The following NEB variants were observed in gnomAD, a reference collection of about 807,000 sequenced individuals.
NEB encodes nebulin.
In NEB, 512 loss-of-function variants were observed where a neutral mutation model predicts 952.2. The ratio of observed to expected loss-of-function variants is 0.54; its 90% CI spans 0.50 to 0.58. The LOEUF (loss-of-function observed/expected upper bound fraction) is 0.58. Ranked by LOEUF, NEB falls within the 20% of genes least tolerant of loss-of-function variation. The pLI is 0.00. For synonymous variants in NEB, 2,900 were observed against 3,149.8 expected (o/e 0.92, Z 2.66); for missense variants, 8,428 against 9,231.1 (o/e 0.91, Z 3.56).
In NEB at chr2:151,725,498, A is replaced by C. The variant is rs949991363; in HGVS notation, c.357T>G (p.Thr119=). Residue 119 remains threonine (T), a synonymous_variant, in exon 6 of 182, where the codon ACT becomes ACG. Coordinates refer to ENST00000397345, the MANE Select transcript of NEB (RefSeq NM_001164508.2). ...KGQPYASTTD[T]PELRRIKKVQ... ...CTTTTTTGATTCTGCGAAGTTCTGGAGTATCTGTTGTGCTGGCGTATGGCT... is the reference window on the plus strand; with the variant it reads ...CTTTTTTGATTCTGCGAAGTTCTGGCGTATCTGTTGTGCTGGCGTATGGCT... 6.2e-7 allele frequency: 1 copy of C among 1,613,520 alleles called. No homozygotes were observed. Among genetic ancestry groups the C allele is most frequent in the African/African-American group, 1.3e-5 (1 of 74,888 alleles).
intron 164 of NEB, 38 bp from the exon 165 acceptor site, chr2:151,505,608 C>T (rs761650574): frequency 6.7e-7 from 1 of 1,487,986 alleles, no homozygotes; most frequent in Non-Finnish European, 9.4e-7. Context: ...GGTATTATTA[C>T]ATGCTGGACT....
In NEB at chr2:151,498,306, G is replaced by C; in HGVS notation, c.24161C>G (p.Thr8054Ser). 1 of 1,551,478 alleles carries C rather than the reference G, an allele frequency of 6.4e-7. No individual in the cohort carries two copies. Among genetic ancestry groups the C allele is most frequent in the Non-Finnish European group, 8.7e-7 (1 of 1,146,826 alleles). ...NLGTGIPIPI[T>S]PEMQRVKHNQ... ...GTGTTTGACTCTCTGCATCTCAGGA[G>C]TGATGGGGATTGGAATTCCTGTCCC... Residue 8054 changes from threonine (T) to serine (S), a missense_variant, in exon 170 of 182, where the codon ACT becomes AGT. Transcript: ENST00000397345.
At chr2:151,622,062 T>C (rs1039095816) in intron 71 of NEB, among the ~76,000 whole-genome samples, 1 of 152,148 alleles carries the variant, frequency 6.6e-6, no homozygotes, top group African/African-American at 2.4e-5. Flanking sequence ...CAGGCTGGAG[T>C]GCAGTGGCAC....
At position 151,687,783 on chromosome 2, in the gene NEB, C is replaced by T. The variant is rs1276889325; in HGVS notation, c.2416-50G>A. On this transcript the variant is annotated intron_variant, in intron 25 of 181. Transcript: ENST00000397345. Reference sequence around the variant, plus strand: ...GAATGATAAGAACAACAGTGTAATCCAGTAAAAAAATAAAAACATATTGAA... The same window carrying T: ...GAATGATAAGAACAACAGTGTAATCTAGTAAAAAAATAAAAACATATTGAA... 5 of 1,492,974 alleles carry T rather than the reference C, an allele frequency of 3.3e-6. No individual in the cohort carries two copies. In the South Asian group the frequency reaches 4.8e-5, roughly 14 times the overall value. The allele number at this position is 1,492,974 out of a possible 1,614,324, so 92.5% of individuals were successfully genotyped here. A position where few individuals can be genotyped will look rare whatever the true frequency, so the allele number is the denominator to read the frequency against.
chr2:151,694,299 G>T (rs372633207), intron 20 of NEB, 24 bp downstream of exon 20: 3 of 1,588,036 alleles, frequency 1.9e-6, no homozygotes, highest in African/African-American at 2.7e-5. Flanking sequence ...TCTGAAAATA[G>T]GGGTGAATTA....
intron 65 of NEB, among the ~76,000 whole-genome samples, chr2:151,631,774 T>C (rs996083480): frequency 6.6e-6 from 1 of 152,196 alleles, no homozygotes; most frequent in Admixed American, 6.5e-5. Context: ...TTATGACATG[T>C]AGAAATGTCA....
rs1022754211 is a variant in NEB, at chr2:151,643,223, T to G, written c.8087A>C (p.Gln2696Pro). ...SDHVYRQHPD[Q>P]FKFSSLMDSI... ...ATCCATAAGGCTGGAAAACTTAAAT[T>G]GATCTGGGTGCTGACGGTAAACATG... Residue 2696 changes from glutamine to proline, a missense_variant, in exon 58 of 182, where the codon CAA becomes CCA. Around this residue, in one of 11 missense-constraint regions of NEB, gnomAD observed 1,772 missense variants for 1,960.3 expected, o/e 0.90. Transcript: ENST00000397345. The G allele has an allele frequency of 1.2e-6, 2 of 1,613,972 alleles. No homozygotes were observed. The highest frequency in any genetic ancestry group is 1.7e-6 in the Non-Finnish European group (2 of 1,179,864).
chr2:151,562,629 G>T lies in NEB; in HGVS notation c.18873C>A (p.Ala6291=), dbSNP rs1469916121. ...EEPNVIRVRN[A]QEILSDNVYK... is the part of the protein sequence containing the mutation. ...ATCATACATCACTCAAGATCTCCTG[G>T]GCGTTTCGGACGCGTATAACATTGG... The change falls in exon 120 of 182, where the codon GCC becomes GCA. Residue 6291 remains alanine, a synonymous_variant. Coordinates refer to ENST00000397345, the MANE Select transcript of NEB (RefSeq NM_001164508.2). The T allele has an allele frequency of 6.3e-7, 1 of 1,577,552 alleles. No homozygotes were observed. Among genetic ancestry groups the T allele is most frequent in the Non-Finnish European group, 8.7e-7 (1 of 1,153,500 alleles).
rs376478761 is a variant in NEB at position 151,493,775 on chromosome 2, C to T, written c.24672G>A (p.Ser8224=). Residue 8224 remains serine, a splice_region_variant and synonymous_variant, in exon 175 of 182, where the codon TCG becomes TCA. Transcript: ENST00000397345. ...RVKRNQENFS[S]VLYKENMRKA... ...GATTTATTTTTCCTTTCTAAAATAC[C>T]GAGCTAAAGTTTTCTTGATTGCGTT... 2.4e-5 allele frequency: 37 copies of T among 1,559,084 alleles called. No homozygotes were observed. Among genetic ancestry groups the T allele is most frequent in the East Asian group, 1.2e-4 (5 of 43,366 alleles).
chr2:151,530,988 A>C lies in NEB; in HGVS notation c.21630+6T>G, dbSNP rs1401750275. ...AGAGGGACTGCTAAACCATTCTAGT[A>C]CTTACATCACTGACTTCATCTTTAA... On this transcript the variant is annotated splice_donor_region_variant and intron_variant, in intron 145 of 181. Transcript: ENST00000397345. The C allele has an allele frequency of 3.1e-6, 5 of 1,593,850 alleles. No homozygotes were observed. The Admixed American group carries it at 8.4e-5, about 27-fold the overall frequency.
intron 9 of NEB, 41 bp from the exon 10 acceptor site, chr2:151,717,561 A>G: frequency 7.1e-7 from 1 of 1,408,684 alleles, no homozygotes; most frequent in Non-Finnish European, 1.0e-6. Context: ...AAAAACGATT[A>G]TGCTTTCATC....
rs1441634393 is a variant in NEB at position 151,507,056 on chromosome 2, C to T, written c.23452-43G>A. 5 of 1,185,466 alleles carry T rather than the reference C, an allele frequency of 4.2e-6. No homozygotes were observed. In the South Asian group the frequency reaches 5.0e-5, roughly 12 times the overall value. The allele number at this position is 1,185,466 out of a possible 1,614,324, so 73.4% of individuals were successfully genotyped here. ...ACATCTTGTTAAGATTTCAACATTGCTTTGTTTTCTTTATTTGTCCTATAT... is the reference window on the plus strand; with the variant it reads ...ACATCTTGTTAAGATTTCAACATTGTTTTGTTTTCTTTATTTGTCCTATAT... On this transcript the variant is annotated intron_variant, in intron 162 of 181. Transcript: ENST00000397345.
rs3732312 is a variant in NEB at position 151,569,178 on chromosome 2, T to C, written c.17535+90A>G. On this transcript the variant is annotated intron_variant, in intron 110 of 181. Transcript: ENST00000397345. ...ATCACAGCAATTGAAATGGTTAAGA[T>C]TGCTGATATTAGATGACTATATTTT... The C allele has an allele frequency of 0.29, 297,798 of 1,030,726 alleles. 46,236 individuals carry two copies. The highest frequency in any genetic ancestry group is 0.4 in the Admixed American group (20,992 of 52,212). 63.8% of individuals were successfully genotyped at this position (1,030,726 alleles called of 1,614,324 possible).
rs747091795 is a variant in NEB, at chr2:151,665,421, C to A, written c.5150G>T (p.Arg1717Leu). The A allele has an allele frequency of 1.2e-6, 2 of 1,613,662 alleles. No individual in the cohort carries two copies. Among genetic ancestry groups the A allele is most frequent in the African/African-American group, 1.3e-5 (1 of 74,984 alleles). ...AGEILSEKKY[R>L]QHPEKLKFTY... ...GAACTTCAGCTTCTCGGGGTGCTGG[C>A]GATACTTCTTCTCACTAAGAATCTC... is the stretch of plus-strand genomic sequence containing the variant. Residue 1717 changes from arginine to leucine, a missense_variant, in exon 42 of 182, where the codon CGC (arginine) becomes CTC (leucine). Arg to Leu is a moderately radical substitution (Grantham distance 102). This residue lies in a region of NEB where 2,851 missense variants were observed against 2,791.5 expected (regional missense o/e 1.02). Coordinates refer to ENST00000397345, the MANE Select transcript of NEB (RefSeq NM_001164508.2).
At chr2:151,716,427 G>A (rs1173005268) in intron 10 of NEB, among the ~76,000 whole-genome samples, 2 of 152,052 alleles carry the variant, frequency 1.3e-5, no homozygotes, top group African/African-American at 2.4e-5. Context: ...GTGAGCCACC[G>A]CGCCTGGCCA....
chr2:151,569,499 C>T, intron 109 of NEB, 127 bp from the exon 110 acceptor site: 7 of 715,884 alleles, frequency 9.8e-6, no homozygotes, highest in South Asian at 1.6e-5. Context: ...ACTCAAGCAG[C>T]CACGCAGGTA....
At chr2:151,706,127 T>A (rs1001824955) in intron 13 of NEB, among the ~76,000 whole-genome samples, 11 of 152,190 alleles carry the variant, frequency 7.2e-5, no homozygotes, top group African/African-American at 2.7e-4. Flanking sequence ...AGCAGAGCTA[T>A]TTGGGCAGAT....
At chr2:151,692,548 T>C in intron 20 of NEB, 186 bp from the exon 21 acceptor site, 3 of 636,956 alleles carry the variant, frequency 4.7e-6, no homozygotes, top group Non-Finnish European at 8.4e-6. Flanking sequence ...TAATCTCATC[T>C]GCTAATAATC....
chr2:151,697,166 TTTC>T lies in NEB; in HGVS notation c.1449_1451del (p.Lys484del). 6.2e-7 allele frequency: 1 copy of T among 1,613,312 alleles called. No homozygotes were observed. On this transcript the variant is annotated inframe_deletion, in exon 16 of 182. Transcript: ENST00000397345. ...GACTTACGTCTTTACACTGATCTAG[TTTC>T]TTAATTGCTTCATATTCTTGAGTTA... is the stretch of plus-strand genomic sequence containing the variant.
Sources: allele counts gnomAD v4.1 joint callset (sites outside exome capture counted in the v4.1 genomes callset), GRCh38; gene constraint gnomAD v4.1.1; regional missense constraint gnomAD v4.1.1; transcripts MANE v1.5; gene names NCBI Gene and HGNC (gene_info 2026-07-23, HGNC 2026-07-21).